IL7: variants seen among roughly 807,000 people sequenced by gnomAD.
IL7 encodes the protein interleukin 7, also known as interleukin-7.
In IL7, 3 loss-of-function variants were observed where a neutral mutation model predicts 21.6. That is an observed-to-expected ratio of 0.14 (90% CI 0.06 to 0.36). The LOEUF is 0.36. Ranked by LOEUF, IL7 falls within the 10% of genes least tolerant of loss-of-function variation. The pLI, the probability that IL7 is intolerant of heterozygous loss-of-function variation, is 1.00. For synonymous variants in IL7, 62 were observed against 68.1 expected, an observed-to-expected ratio of 0.91 and a Z score of 0.44; for missense variants, 175 against 200.2, an observed-to-expected ratio of 0.87 and a Z score of 0.76.
chr8:78,731,908 T>C (rs780585687), downstream of IL7, among the ~76,000 whole-genome samples: 1 of 152,126 alleles, frequency 6.6e-6, no homozygotes, highest in Non-Finnish European at 1.5e-5. Flanking sequence ...TTAAAAAATA[T>C]TGACCCTTAT....
chr8:78,761,371 G>A, intron 2 of IL7: 1 of 1,611,868 alleles, frequency 6.2e-7, no homozygotes, highest in South Asian at 1.1e-5. Flanking sequence ...AGATAGCTTG[G>A]GGATATTTCT....
chr8:78,709,886 C>T lies in IL7; in HGVS notation n.214+11462G>A, dbSNP rs148398325. 3.0e-3 allele frequency among the ~76,000 whole-genome samples: 452 copies of T among 152,174 alleles called. 3 individuals carry two copies. The highest frequency in any genetic ancestry group is 0.012 in the East Asian group (61 of 5,186). ...GTGTGCAAAGATACAAAATACCATC[C>T]GGTAAATTCTTTTCCCAATATTATT... On this transcript the variant is annotated intron_variant and non_coding_transcript_variant, in intron 3 of 4. Transcript: ENST00000523959.
At chr8:78,716,659 G>A (rs954329680), downstream of IL7, among the ~76,000 whole-genome samples, 2 of 152,122 alleles carry the variant, frequency 1.3e-5, no homozygotes, top group African/African-American at 2.4e-5. Flanking sequence ...CATCATAAAT[G>A]TTCATTCTGC....
At chr8:78,791,298 A>G (rs927217579) in intron 2 of IL7, among the ~76,000 whole-genome samples, 1 of 152,176 alleles carries the variant, frequency 6.6e-6, no homozygotes, top group East Asian at 1.9e-4. Context: ...GTAAGAAAAT[A>G]AGGGAATTAT....
chr8:78,683,919 G>T (rs893468549), intron 4 of IL7, among the ~76,000 whole-genome samples: 1 of 152,176 alleles, frequency 6.6e-6, no homozygotes, highest in Non-Finnish European at 1.5e-5. Context: ...CTTTGCTAAA[G>T]CATAACAAGA....
chr8:78,686,854 A>G (rs931784797), intron 3 of IL7, among the ~76,000 whole-genome samples: 1 of 152,160 alleles, frequency 6.6e-6, no homozygotes, highest in Non-Finnish European at 1.5e-5. Flanking sequence ...TTATAATATC[A>G]TTTAAAAATT....
At chr8:78,691,825 ACT>A (rs1470939299) in intron 3 of IL7, among the ~76,000 whole-genome samples, 14 of 151,260 alleles carry the variant, frequency 9.3e-5, no homozygotes, top group African/African-American at 3.1e-4. Flanking sequence ...CATATATGTA[ACT>A]CTAGATATTA....
At chr8:78,771,874 G>C (rs778980428) in intron 2 of IL7, among the ~76,000 whole-genome samples, 1 of 152,038 alleles carries the variant, frequency 6.6e-6, no homozygotes, top group Admixed American at 6.6e-5. Context: ...CCTTCACATA[G>C]TTAGGGGAAT....
chr8:78,684,245 A>G (rs1332527789), intron 4 of IL7, among the ~76,000 whole-genome samples: 3 of 152,246 alleles, frequency 2.0e-5, no homozygotes, highest in East Asian at 1.9e-4. Flanking sequence ...TAGGCAATTT[A>G]TAAAGAAAAA....
At chr8:78,704,868 T>C (rs1054881138) in intron 3 of IL7, among the ~76,000 whole-genome samples, 1 of 152,224 alleles carries the variant, frequency 6.6e-6, no homozygotes, top group African/African-American at 2.4e-5. Flanking sequence ...CTCTGAGATT[T>C]GTTCTTCGCT....
At chr8:78,717,595 C>T (rs1563642845), downstream of IL7, 11 of 1,259,942 alleles carry the variant, frequency 8.7e-6, no homozygotes, top group Non-Finnish European at 9.7e-6. Flanking sequence ...TAAAAATACT[C>T]GAAATACCAT....
intron 2 of IL7, among the ~76,000 whole-genome samples, chr8:78,762,919 G>A (rs1037190633): frequency 2.6e-5 from 4 of 152,094 alleles, no homozygotes; most frequent in African/African-American, 7.2e-5. Flanking sequence ...CTTTCATAGA[G>A]AAAGACTTTT....
At chr8:78,761,591 A>G in intron 2 of IL7, 1 of 1,611,900 alleles carries the variant, frequency 6.2e-7, no homozygotes, top group South Asian at 1.1e-5. Context: ...AAACCTCACC[A>G]ACACAGGTAG....
At chr8:78,692,856 T>C (rs1313876470) in intron 3 of IL7, among the ~76,000 whole-genome samples, 1 of 152,124 alleles carries the variant, frequency 6.6e-6, no homozygotes, top group Non-Finnish European at 1.5e-5. Flanking sequence ...ACATGGAGTA[T>C]ATCTCCTAAT....
intron 2 of IL7, among the ~76,000 whole-genome samples, chr8:78,741,494 C>T (rs1811777783): frequency 6.6e-6 from 1 of 152,186 alleles, no homozygotes; most frequent in Non-Finnish European, 1.5e-5. Flanking sequence ...TATATGTTAT[C>T]TTCCAATTCA....
At chr8:78,797,098 A>G (rs1813877653) in intron 2 of IL7, among the ~76,000 whole-genome samples, 2 of 151,042 alleles carry the variant, frequency 1.3e-5, no homozygotes, top group Admixed American at 6.6e-5. Context: ...TCAAACCACA[A>G]AAAATCATGG....
Position 78,727,764 on chromosome 8 carries a change from G to A in IL7, n.268-6324C>T, listed in dbSNP as rs560775219. 5.3e-5 allele frequency among the ~76,000 whole-genome samples: 8 copies of A among 151,900 alleles called. No individual in the cohort carries two copies. The South Asian group carries it at 1.5e-3, about 28-fold the overall frequency. On this transcript the variant is annotated intron_variant and non_coding_transcript_variant, in intron 3 of 6. Transcript: ENST00000519833. Reference sequence around the variant, plus strand: ...TTGACAACATCTTGGCTGGGGGAGGGGCTATGCAGAAGATAAATTAAGAAT... The same window carrying A: ...TTGACAACATCTTGGCTGGGGGAGGAGCTATGCAGAAGATAAATTAAGAAT...
chr8:78,733,910 A>G (rs1586050309), intron 5 of IL7, 78 bp from the exon 6 acceptor site: 11 of 1,001,512 alleles, frequency 1.1e-5, no homozygotes, highest in East Asian at 6.4e-5. Flanking sequence ...TTTTCATCAT[A>G]TTACTTTATA....
downstream of IL7, chr8:78,717,318 A>G (rs747162119): frequency 1.3e-6 from 2 of 1,598,818 alleles, no homozygotes; most frequent in Non-Finnish European, 1.7e-6. Flanking sequence ...TTGTTTCTTT[A>G]CTTTTTTAGG....
Sources: gnomAD v4.1 joint callset for allele counts (sites outside exome capture counted in the v4.1 genomes callset) on GRCh38, gnomAD v4.1.1 for gene constraint, MANE v1.5 for transcripts, NCBI Gene and HGNC (gene_info 2026-07-23, HGNC 2026-07-21) for gene names.